Variants in CGNL1 observed in about 807,000 individuals in gnomAD.
CGNL1 encodes the protein cingulin like 1.
Under a neutral mutation model 141.2 loss-of-function variants are expected in CGNL1, and 132 were observed. The observed-to-expected ratio is 0.93, with a 90% CI of 0.81 to 1.08. CGNL1 has a LOEUF of 1.08. Ranked by LOEUF, CGNL1 falls within the 50% of genes least tolerant of loss-of-function variation. The pLI, the probability that CGNL1 is intolerant of heterozygous loss-of-function variation, is 0.00. For synonymous variants in CGNL1, 690 were observed against 622.1 expected (o/e 1.11, Z -1.63); for missense variants, 1,870 against 1,588.6 (o/e 1.18, Z -3.01).
rs146963167 is a variant in CGNL1 at position 57,391,853 on chromosome 15, C to A, written c.-16+15286C>A. On this transcript the variant is annotated intron_variant, in intron 1 of 18. Transcript: ENST00000281282. ...ACCCATCGTATCCTTATTCCATATCCTTATTCAGAGTGATGTCCACAGGCA... is the reference window on the plus strand; with the variant it reads ...ACCCATCGTATCCTTATTCCATATCATTATTCAGAGTGATGTCCACAGGCA... 2.0e-5 allele frequency among the ~76,000 whole-genome samples: 3 copies of A among 152,144 alleles called. No individual in the cohort carries two copies. The East Asian group carries it at 5.8e-4, about 29-fold the overall frequency.
At chr15:57,478,529 C>T (rs1479917858) in intron 8 of CGNL1, among the ~76,000 whole-genome samples, 1 of 152,148 alleles carries the variant, frequency 6.6e-6, no homozygotes, top group Non-Finnish European at 1.5e-5. Context: ...TGAAATAAAG[C>T]CTGCTCCAGA....
At chr15:57,519,981 G>C (rs1324202465) in intron 10 of CGNL1, among the ~76,000 whole-genome samples, 1 of 152,188 alleles carries the variant, frequency 6.6e-6, no homozygotes, top group African/African-American at 2.4e-5. Context: ...GGGGCCTGAA[G>C]ATCTTAATGT....
intron 1 of CGNL1, chr15:57,397,097 C>G (rs1425444942): frequency 6.6e-6 from 1 of 152,126 alleles, no homozygotes; most frequent in Non-Finnish European, 1.5e-5. Flanking sequence ...GATATGGCTT[C>G]TTCGGGAAGG....
rs539559577 is a variant in CGNL1 at position 57,388,550 on chromosome 15, A to T, written c.-16+11983A>T. Among the ~76,000 whole-genome samples the T allele has an allele frequency of 2.0e-5, 3 of 152,314 alleles. No individual in the cohort carries two copies. In the South Asian group the frequency reaches 6.2e-4, roughly 32 times the overall value. ...GCAGTGTCTGCAGAGGTAGCTGTAG[A>T]TATGTGTGCTCGCACGACTGTACTG... On this transcript the variant is annotated intron_variant, in intron 1 of 18. Transcript: ENST00000281282.
At chr15:57,379,646 T>C (rs2062404193) in intron 1 of CGNL1, among the ~76,000 whole-genome samples, 2 of 152,124 alleles carry the variant, frequency 1.3e-5, no homozygotes, top group African/African-American at 4.8e-5. Context: ...ATCTCGGCAC[T>C]AAAGGGCGGT....
intron 1 of CGNL1, among the ~76,000 whole-genome samples, chr15:57,390,301 G>A (rs1255368387): frequency 1.3e-5 from 2 of 152,194 alleles, no homozygotes; most frequent in Non-Finnish European, 2.9e-5. Flanking sequence ...CAACAAATAT[G>A]CAGGGCCAGC....
At chr15:57,458,404 C>G (rs1233844661) in intron 7 of CGNL1, among the ~76,000 whole-genome samples, 1 of 152,122 alleles carries the variant, frequency 6.6e-6, no homozygotes, top group African/African-American at 2.4e-5. Context: ...AGTGATATGG[C>G]GAGGTGTAAT....
chr15:57,433,164 C>A (rs964280319), intron 1 of CGNL1, among the ~76,000 whole-genome samples: 2 of 152,106 alleles, frequency 1.3e-5, no homozygotes, highest in African/African-American at 4.8e-5. Context: ...ATGAAGACTT[C>A]TAGAGATGCA....
intron 1 of CGNL1, among the ~76,000 whole-genome samples, chr15:57,414,992 A>T (rs1037191131): frequency 6.6e-6 from 1 of 152,178 alleles, no homozygotes; most frequent in African/African-American, 2.4e-5. Flanking sequence ...TAAAGGCACA[A>T]TGAAGAATCT....
chr15:57,456,109 C>G (rs1235947617), intron 7 of CGNL1, among the ~76,000 whole-genome samples: 1 of 152,148 alleles, frequency 6.6e-6, no homozygotes, highest in Non-Finnish European at 1.5e-5. Flanking sequence ...ACGGTTTCTA[C>G]GTCACTAGTA....
intron 1 of CGNL1, among the ~76,000 whole-genome samples, chr15:57,426,338 T>G (rs1454971753): frequency 6.6e-6 from 1 of 151,994 alleles, no homozygotes; most frequent in Non-Finnish European, 1.5e-5. Context: ...AGAGACAGGG[T>G]TTCACCATGT....
At chr15:57,478,445 C>G (rs2063684048) in intron 8 of CGNL1, 1 of 152,242 alleles carries the variant, frequency 6.6e-6, no homozygotes, top group African/African-American at 2.4e-5. Flanking sequence ...CTCAAGTCAA[C>G]AGCACAGCTC....
At chr15:57,460,436 G>T (rs1160627612) in intron 7 of CGNL1, among the ~76,000 whole-genome samples, 1 of 152,130 alleles carries the variant, frequency 6.6e-6, no homozygotes, top group Non-Finnish European at 1.5e-5. Context: ...AGTATGGGTA[G>T]GAACAAAATG....
chr15:57,407,947 C>T (rs1395027515), intron 1 of CGNL1, among the ~76,000 whole-genome samples: 2 of 151,814 alleles, frequency 1.3e-5, no homozygotes, highest in African/African-American at 4.8e-5. Flanking sequence ...TGGGGTTTCA[C>T]CATGTTGGAC....
chr15:57,381,269 A>AT (rs1163564239), intron 1 of CGNL1, among the ~76,000 whole-genome samples: 5 of 152,220 alleles, frequency 3.3e-5, no homozygotes, highest in African/African-American at 9.6e-5. Flanking sequence ...GCAAAGGTGC[A>AT]TAGTAGTTGA....
At chr15:57,414,414 G>A (rs2062826165) in intron 1 of CGNL1, among the ~76,000 whole-genome samples, 2 of 152,182 alleles carry the variant, frequency 1.3e-5, no homozygotes, top group African/African-American at 4.8e-5. Flanking sequence ...TGTATACACA[G>A]AAAATCAAGA....
At chr15:57,471,922 G>A (rs2063586830) in intron 8 of CGNL1, among the ~76,000 whole-genome samples, 1 of 152,044 alleles carries the variant, frequency 6.6e-6, no homozygotes, top group Admixed American at 6.6e-5. Context: ...TGAGAAGGAC[G>A]TTATTCAGAT....
At position 57,474,678 on chromosome 15, in the gene CGNL1, A is replaced by G. The variant is rs1422350840; in HGVS notation, c.2403+12786A>G. Among the ~76,000 whole-genome samples the G allele has an allele frequency of 2.0e-5, 3 of 152,284 alleles. No homozygotes were observed. In the East Asian group the frequency reaches 5.8e-4, roughly 29 times the overall value. On this transcript the variant is annotated intron_variant, in intron 8 of 18. Coordinates refer to ENST00000281282, the MANE Select transcript of CGNL1 (RefSeq NM_032866.5). ...ATTTCCTCTCTTGTAAAGGGATACT[A>G]TTTGTGTTATAAAAAACATACATAA...
intron 13 of CGNL1, chr15:57,529,086 T>C: frequency 3.2e-6 from 1 of 314,248 alleles, no homozygotes; most frequent in Admixed American, 4.6e-5. Context: ...CTCAGGGACA[T>C]TAGGTGATTT....
Sources: gnomAD v4.1 joint callset for allele counts (sites outside exome capture counted in the v4.1 genomes callset) on GRCh38, gnomAD v4.1.1 for gene constraint, MANE v1.5 for transcripts, NCBI Gene and HGNC (gene_info 2026-07-23, HGNC 2026-07-21) for gene names.